Variants in SLC6A13 observed in about 807,000 individuals in gnomAD.
SLC6A13 encodes the protein solute carrier family 6 member 13, also known as sodium- and chloride-dependent GABA transporter 2.
A neutral mutation model predicts 72.9 loss-of-function variants in SLC6A13; 69 were observed. That is an observed-to-expected ratio of 0.95 (90% CI 0.78 to 1.16). SLC6A13 has a LOEUF of 1.16. Ranked by LOEUF, SLC6A13 falls within the 50% of genes most tolerant of loss-of-function variation. The pLI, the probability that SLC6A13 is intolerant of heterozygous loss-of-function variation, is 0.00. For synonymous variants in SLC6A13, 303 were observed against 303.0 expected, an observed-to-expected ratio of 1.00 and a Z score of 0.00; for missense variants, 735 against 760.5, an observed-to-expected ratio of 0.97 and a Z score of 0.39.
chr12:225,422 G>A (rs1389122846), intron 9 of SLC6A13, among the ~76,000 whole-genome samples: 1 of 152,250 alleles, frequency 6.6e-6, no homozygotes, highest in Non-Finnish European at 1.5e-5. Flanking sequence ...GGCTGGGGTG[G>A]GTGGATCACT....
At chr12:242,798 G>A (rs1209729133) in intron 3 of SLC6A13, 44 bp from the exon 4 acceptor site, 1 of 1,546,904 alleles carries the variant, frequency 6.5e-7, no homozygotes, top group Non-Finnish European at 8.7e-7. Flanking sequence ...GTGGACAGCG[G>A]TGGCGTGCAC....
rs183757255 is a variant in SLC6A13, at chr12:234,499, C to T, written c.831+591G>A. On this transcript the variant is annotated intron_variant, in intron 7 of 14. Coordinates refer to ENST00000343164, the MANE Select transcript of SLC6A13 (RefSeq NM_016615.5). ...TATTTCATTTTATTTTATTTTATTTCATTTTATTTTATTTTATTTCATTTT... is the reference window on the plus strand; with the variant it reads ...TATTTCATTTTATTTTATTTTATTTTATTTTATTTTATTTTATTTCATTTT... 2.6e-4 allele frequency among the ~76,000 whole-genome samples: 39 copies of T among 147,824 alleles called. No homozygotes were observed. In the East Asian group the frequency reaches 4.4e-3, roughly 17 times the overall value.
chr12:233,098 G>A (rs1189126120), intron 7 of SLC6A13, among the ~76,000 whole-genome samples: 1 of 152,212 alleles, frequency 6.6e-6, no homozygotes, highest in East Asian at 1.9e-4. Context: ...CCGCCCTTAT[G>A]TCTCCTTGGG....
Position 221,488 on chromosome 12 carries a change from G to A in SLC6A13, c.1574C>T (p.Thr525Met), listed in dbSNP as rs758341900. ...CAGGGCATCGCCCCACCACGGGTAC[G>A]TGTACTTCTTGTTGTAGGTCAGCGG... The part of the protein sequence containing the change: ...YTPLTYNKKY[T>M]YPWWGDALGW... The change falls in exon 14 of 15, where the codon ACG (threonine) becomes ATG (methionine). Residue 525 changes from threonine to methionine, a missense_variant. Physicochemically the swap from Thr to Met is moderately conservative, Grantham distance 81. Transcript: ENST00000343164. The A allele has an allele frequency of 1.6e-5, 26 of 1,613,332 alleles. No individual in the cohort carries two copies. The highest frequency in any genetic ancestry group is 4.4e-5 in the South Asian group (4 of 91,026).
chr12:227,988 G>A (rs1941538792), intron 7 of SLC6A13, among the ~76,000 whole-genome samples: 1 of 152,142 alleles, frequency 6.6e-6, no homozygotes, highest in African/African-American at 2.4e-5. Context: ...TCTCCTGTCA[G>A]GTTTTTGATC....
chr12:248,526 G>GTAATTTCATAATGATTAAAGGGTCAAT (rs1381762274), intron 2 of SLC6A13, among the ~76,000 whole-genome samples: 20 of 152,028 alleles, frequency 1.3e-4, no homozygotes, highest in Non-Finnish European at 2.5e-4. Flanking sequence ...GGTAAAGAAG[G>GTAATTTCATAATGATTAAAGGGTCAAT]TAATTTCATA....
chr12:225,155 G>A (rs532735686), intron 9 of SLC6A13, among the ~76,000 whole-genome samples: 3 of 152,364 alleles, frequency 2.0e-5, no homozygotes, highest in East Asian at 1.9e-4. Context: ...AAACATGCAC[G>A]TAATAAAGCC....
At chr12:251,153 C>CT (rs909936644) in intron 2 of SLC6A13, among the ~76,000 whole-genome samples, 1 of 137,314 alleles carries the variant, frequency 7.3e-6, no homozygotes, top group Non-Finnish European at 1.5e-5. Flanking sequence ...AAGACTCTGT[C>CT]TCAAAAAAAA....
chr12:223,516 A>T lies in SLC6A13; in HGVS notation c.1312-282T>A, dbSNP rs1941306997. 2.0e-5 allele frequency among the ~76,000 whole-genome samples: 3 copies of T among 152,098 alleles called. No homozygotes were observed. In the South Asian group the frequency reaches 6.2e-4, roughly 31 times the overall value. ...TTAGGCACTGGCCACGAAGCCCAAG[A>T]CATAGAGTGTACTCTTTGGGGAAAG... On this transcript the variant is annotated intron_variant, in intron 11 of 14. Coordinates refer to ENST00000343164, the MANE Select transcript of SLC6A13 (RefSeq NM_016615.5).
chr12:251,443 C>A (rs1256518490), intron 2 of SLC6A13, among the ~76,000 whole-genome samples: 1 of 152,092 alleles, frequency 6.6e-6, no homozygotes, highest in African/African-American at 2.4e-5. Flanking sequence ...GAACTTCAAC[C>A]CATATCTTCA....
At chr12:223,588 G>A (rs560897988) in intron 11 of SLC6A13, among the ~76,000 whole-genome samples, 24 of 152,046 alleles carry the variant, frequency 1.6e-4, no homozygotes, top group East Asian at 5.8e-4. Context: ...GACAAGCTCC[G>A]TCTCCCTCCT....
At chr12:232,377 C>T (rs1004010536) in intron 7 of SLC6A13, among the ~76,000 whole-genome samples, 1 of 152,210 alleles carries the variant, frequency 6.6e-6, no homozygotes, top group Non-Finnish European at 1.5e-5. Flanking sequence ...CCAAACTCTT[C>T]ACCCGGCTTC....
At chr12:253,139 A>G (rs1942612706) in intron 2 of SLC6A13, among the ~76,000 whole-genome samples, 1 of 152,168 alleles carries the variant, frequency 6.6e-6, no homozygotes, top group African/African-American at 2.4e-5. Flanking sequence ...ATGTGCTGGC[A>G]TTTTCTCCGT....
intron 2 of SLC6A13, chr12:259,589 A>G (rs1942860745): frequency 7.1e-7 from 1 of 1,415,670 alleles, no homozygotes; most frequent in African/African-American, 1.4e-5. Context: ...TAGCAGAGCC[A>G]GAATCCAAAC....
chr12:250,327 T>C (rs1942491592), intron 2 of SLC6A13, among the ~76,000 whole-genome samples: 1 of 152,144 alleles, frequency 6.6e-6, no homozygotes, highest in South Asian at 2.1e-4. Flanking sequence ...GTTATTCCGA[T>C]TTAAAAGGAA....
Position 243,666 on chromosome 12 carries a change from CA to C in SLC6A13, c.337+12del. 6.2e-7 allele frequency: 1 copy of C among 1,612,356 alleles called. No individual in the cohort carries two copies. Among genetic ancestry groups the C allele is most frequent in the Non-Finnish European group, 8.5e-7 (1 of 1,179,338 alleles). The stretch of plus-strand genomic sequence containing the variant: ...AATGAAGACGCTTTGGAGTCAGGTA[CA>C]GAGCTACTCACCCTCAAAGATGGGG... On this transcript the variant is annotated intron_variant, in intron 3 of 14. Coordinates refer to ENST00000343164, the MANE Select transcript of SLC6A13 (RefSeq NM_016615.5).
chr12:224,355 A>C lies in SLC6A13; in HGVS notation c.1173+46T>G, dbSNP rs200608496. ...CCATGGCTCCTCCTCCCCAGCACAC[A>C]CCCCCCCACTCATCTCTCAGCCTCT... is the stretch of plus-strand genomic sequence containing the variant. On this transcript the variant is annotated intron_variant, in intron 10 of 14. Transcript: ENST00000343164. 98 of 1,521,380 alleles carry C rather than the reference A, an allele frequency of 6.4e-5. No individual in the cohort carries two copies. The Middle Eastern group carries it at 1.2e-3, about 19-fold the overall frequency. The allele number at this position is 1,521,380 out of a possible 1,614,324, so 94.2% of individuals were successfully genotyped here.
At chr12:258,212 G>A (rs190932170) in intron 2 of SLC6A13, among the ~76,000 whole-genome samples, 8 of 152,272 alleles carry the variant, frequency 5.3e-5, no homozygotes, top group African/African-American at 1.7e-4. Flanking sequence ...GAAGGGACAC[G>A]ACAGCCCATT....
intron 2 of SLC6A13, chr12:257,312 G>A (rs1244198279): frequency 1.3e-5 from 2 of 152,370 alleles, no homozygotes; most frequent in African/African-American, 4.8e-5. Flanking sequence ...CAGTGGTCCT[G>A]GGTGACTCGT....
Sources: allele counts gnomAD v4.1 joint callset (sites outside exome capture counted in the v4.1 genomes callset), GRCh38; gene constraint gnomAD v4.1.1; transcripts MANE v1.5; gene names NCBI Gene and HGNC (gene_info 2026-07-23, HGNC 2026-07-21).